Variants in AIRE observed in about 807,000 individuals in gnomAD.
AIRE encodes the protein autoimmune regulator, also known as autoimmune polyendocrinopathy candidiasis ectodermal dystrophy protein.
A neutral mutation model predicts 62.1 loss-of-function variants in AIRE; 52 were observed. That is an observed-to-expected ratio of 0.84 (90% CI 0.67 to 1.06). AIRE has a LOEUF of 1.06. Ranked by LOEUF, AIRE falls within the 50% of genes least tolerant of loss-of-function variation. The pLI, the probability that AIRE is intolerant of heterozygous loss-of-function variation, is 0.00. For missense variants in AIRE, 774 were observed against 755.8 expected (o/e 1.02, Z -0.28); for synonymous variants, 342 against 321.6 (o/e 1.06, Z -0.68).
In AIRE at chr21:44,286,512, G is replaced by C; in HGVS notation, c.133-45G>C. The C allele has an allele frequency of 1.9e-6, 3 of 1,577,182 alleles. No homozygotes were observed. Among genetic ancestry groups the C allele is most frequent in the African/African-American group, 1.3e-5 (1 of 74,098 alleles). Reference sequence around the variant, plus strand: ...CATGATGGAGATGGGCAGGCCGCAGGGTGTGGGGGACCATGGCAGGGACCC... The same window carrying C: ...CATGATGGAGATGGGCAGGCCGCAGCGTGTGGGGGACCATGGCAGGGACCC... On this transcript the variant is annotated intron_variant, in intron 1 of 13. Coordinates refer to ENST00000291582, the MANE Select transcript of AIRE (RefSeq NM_000383.4). The surrounding 1 kb of genome is among the most constrained non-coding windows in gnomAD (Gnocchi z 6.0).
At chr21:44,293,729 T>C (rs970030175) in intron 10 of AIRE, 60 bp from the exon 11 acceptor site, 13 of 1,593,162 alleles carry the variant, frequency 8.2e-6, no homozygotes, top group Non-Finnish European at 1.1e-5. Flanking sequence ...GGGCTCGGGT[T>C]CGGGTTCAGC....
chr21:44,293,113 C>T lies in AIRE; in HGVS notation c.1216C>T (p.Leu406=). The change falls in exon 10 of 14, where the codon CTG becomes TTG. Residue 406 remains leucine, a synonymous_variant. Coordinates refer to ENST00000291582, the MANE Select transcript of AIRE (RefSeq NM_000383.4). ...HLPAPPSAAP[L]PGLDSSALHP... is the part of the protein sequence containing the mutation. ...GCCGGCTCCGCCTTCTGCAGCCCCG[C>T]TGCCAGGGCTGGACTCCTCGGCCCT... 6.2e-7 allele frequency: 1 copy of T among 1,604,576 alleles called. No homozygotes were observed. The highest frequency in any genetic ancestry group is 8.5e-7 in the Non-Finnish European group (1 of 1,176,426).
rs563203914 is a variant in AIRE at position 44,286,452 on chromosome 21, G to A, written c.133-105G>A. On this transcript the variant is annotated intron_variant, in intron 1 of 13. Transcript: ENST00000291582. The surrounding 1 kb of genome is among the most constrained non-coding windows in gnomAD (Gnocchi z 6.0). ...AGATGGGCGTGGAGCTGTCCAGGTC[G>A]CCAGCGCCTCTGCCTGGGAGCTCCA... The A allele has an allele frequency of 2.0e-5, 26 of 1,304,184 alleles. No individual in the cohort carries two copies. The African/African-American group carries it at 2.7e-4, about 13-fold the overall frequency. 80.8% of individuals were successfully genotyped at this position (1,304,184 alleles called of 1,614,324 possible).
At chr21:44,290,928 G>A (rs1159004345) in intron 7 of AIRE, 167 bp from the exon 8 acceptor site, 2 of 1,611,922 alleles carry the variant, frequency 1.2e-6, no homozygotes, top group Non-Finnish European at 1.7e-6. Context: ...TGGGGAACAG[G>A]TGGTCAGGGC....
At position 44,293,947 on chromosome 21, in the gene AIRE, C is replaced by T. The variant is rs2040575573; in HGVS notation, c.1400+37C>T. The stretch of plus-strand genomic sequence containing the variant: ...TGGTCGGCGGGGAGGCCTGAACCCA[C>T]ACCCACACCCTACACCCCACCCCAC... On this transcript the variant is annotated intron_variant, in intron 11 of 13. Coordinates refer to ENST00000291582, the MANE Select transcript of AIRE (RefSeq NM_000383.4). 5.6e-6 allele frequency: 9 copies of T among 1,593,116 alleles called. 1 individual carries two copies. The highest frequency in any genetic ancestry group is 1.7e-5 in the Admixed American group (1 of 59,658).
rs1800520 is a variant in AIRE, at chr21:44,290,023, C to G, written c.834C>G (p.Ser278Arg). The stretch of plus-strand genomic sequence containing the variant: ...AGGCTAGGCTGGGCCAGCAGGGCAG[C>G]GTTCCCGCCCCTCTGGCCCTCCCCA... ...GGEARLGQQGSVPAPLALPSD... is the reference protein window; with the variant it reads ...GGEARLGQQGRVPAPLALPSD... Residue 278 changes from serine to arginine, a missense_variant, in exon 7 of 14, where the codon AGC (serine) becomes AGG (arginine). Ser to Arg is a moderately radical substitution (Grantham distance 110). This residue lies in a region of AIRE where 385 missense variants were observed against 396.0 expected (regional missense o/e 0.97). Transcript: ENST00000291582. 193,019 of 1,610,112 alleles carry G rather than the reference C, an allele frequency of 0.12. 14,899 individuals carry two copies. Among genetic ancestry groups the G allele is most frequent in the East Asian group, 0.36 (16,054 of 44,710 alleles).
chr21:44,288,006 C>T (rs1161145153), intron 4 of AIRE, among the ~76,000 whole-genome samples: 1 of 152,150 alleles, frequency 6.6e-6, no homozygotes, highest in Non-Finnish European at 1.5e-5. Context: ...GAGGGCAGAG[C>T]CTAGGAACTC....
intron 10 of AIRE, 146 bp downstream of exon 10, chr21:44,293,321 G>T: frequency 1.4e-6 from 1 of 698,612 alleles, no homozygotes; most frequent in Non-Finnish European, 2.3e-6. Flanking sequence ...GGGGAGCGTG[G>T]GGGGCTGCGG....
chr21:44,286,022 G>A lies in AIRE; in HGVS notation c.16G>A (p.Ala6Thr). 6.5e-7 allele frequency: 1 copy of A among 1,533,616 alleles called. No homozygotes were observed. The highest frequency in any genetic ancestry group is 8.7e-7 in the Non-Finnish European group (1 of 1,144,770). The part of the protein sequence containing the change: MATDA[A>T]LRRLLRLHRT... Reference sequence around the variant, plus strand: ...CGCCCACCCCATGGCGACGGACGCGGCGCTACGCCGGCTTCTGAGGCTGCA... The same window carrying A: ...CGCCCACCCCATGGCGACGGACGCGACGCTACGCCGGCTTCTGAGGCTGCA... The change falls in exon 1 of 14, where the codon GCG becomes ACG. Residue 6 changes from alanine to threonine, a missense_variant. This residue lies in a region of AIRE where 385 missense variants were observed against 396.0 expected (regional missense o/e 0.97). Coordinates refer to ENST00000291582, the MANE Select transcript of AIRE (RefSeq NM_000383.4). This position sits in a 1 kb window ranked among gnomAD's most constrained non-coding sequence, Gnocchi z 6.0.
At position 44,297,613 on chromosome 21, in the gene AIRE, C is replaced by G. The variant is rs375814019; in HGVS notation, c.1567-43C>G. The stretch of plus-strand genomic sequence containing the variant: ...GATGGCCATGATTCTGTGGCTGCGG[C>G]GGGGGCGCACCTGGAGGTTCTCACC... On this transcript the variant is annotated intron_variant, in intron 13 of 13. Coordinates refer to ENST00000291582, the MANE Select transcript of AIRE (RefSeq NM_000383.4). This position sits in a 1 kb window ranked among gnomAD's most constrained non-coding sequence, Gnocchi z 4.8. The G allele has an allele frequency of 6.6e-7, 1 of 1,513,922 alleles. No individual in the cohort carries two copies. Among genetic ancestry groups the G allele is most frequent in the Non-Finnish European group, 9.1e-7 (1 of 1,094,524 alleles). The allele number at this position is 1,513,922 out of a possible 1,614,324, so 93.8% of individuals were successfully genotyped here.
chr21:44,296,409 T>C lies in AIRE; in HGVS notation c.1530T>C (p.Ala510=). 6.2e-7 allele frequency: 1 copy of C among 1,612,526 alleles called. No homozygotes were observed. Among genetic ancestry groups the C allele is most frequent in the Non-Finnish European group, 8.5e-7 (1 of 1,179,844 alleles). The change falls in exon 13 of 14, where the codon GCT becomes GCC. Residue 510 remains alanine (A), a synonymous_variant. Coordinates refer to ENST00000291582, the MANE Select transcript of AIRE (RefSeq NM_000383.4). The stretch of plus-strand genomic sequence containing the variant: ...ATGACACTGCCAGTCACGAGCCCGC[T>C]CTGCACAGGGATGACCTGGAGTCCC... ...AKDDTASHEP[A]LHRDDLESLL... is the part of the protein sequence containing the mutation.
intron 12 of AIRE, among the ~76,000 whole-genome samples, chr21:44,295,660 A>G (rs1039797069): frequency 6.6e-6 from 1 of 152,144 alleles, no homozygotes; most frequent in African/African-American, 2.4e-5. Context: ...TGTCAGAGGA[A>G]AAGTTCTGGC....
Position 44,297,769 on chromosome 21 carries a change from GAGA to G in AIRE, c.*45_*47del, listed in dbSNP as rs748197699. Reference sequence around the variant, plus strand: ...CATGCAGCTCTGATGAGAGAGTGCTGAGAAGGACACCTCCTTCCTCAGTCCTGG... The same window carrying G: ...CATGCAGCTCTGATGAGAGAGTGCTGAGGACACCTCCTTCCTCAGTCCTGG... On this transcript the variant is annotated 3_prime_UTR_variant, in exon 14 of 14. Transcript: ENST00000291582. The surrounding 1 kb of genome is among the most constrained non-coding windows in gnomAD (Gnocchi z 4.8). 11 of 1,565,308 alleles carry G rather than the reference GAGA, an allele frequency of 7.0e-6. 1 individual carries two copies. The highest frequency in any genetic ancestry group is 5.6e-5 in the South Asian group (5 of 90,050).
intron 7 of AIRE, chr21:44,290,575 C>A: frequency 1.4e-6 from 1 of 711,820 alleles, no homozygotes; most frequent in Non-Finnish European, 1.7e-6. Context: ...GGCTGGTGGG[C>A]GTCTGGGGGA....
intron 9 of AIRE, among the ~76,000 whole-genome samples, chr21:44,292,630 G>A (rs1034934430): frequency 4.6e-5 from 7 of 152,138 alleles, no homozygotes; most frequent in South Asian, 4.1e-4. Context: ...TCCTGGCTGC[G>A]GGTCCACCCC....
chr21:44,296,943 C>T (rs2040615982), intron 13 of AIRE, among the ~76,000 whole-genome samples: 1 of 105,796 alleles, frequency 9.5e-6, no homozygotes, highest in South Asian at 2.9e-4. Flanking sequence ...TTTAAGGGCT[C>T]TGTCTGTTTT....
At chr21:44,288,052 T>C (rs1568927009) in intron 4 of AIRE, among the ~76,000 whole-genome samples, 1 of 152,110 alleles carries the variant, frequency 6.6e-6, no homozygotes, top group African/African-American at 2.4e-5. Flanking sequence ...GCCCATGTCA[T>C]GGGGGGGTGG....
chr21:44,294,519 G>T lies in AIRE; in HGVS notation c.1503+16G>T. On this transcript the variant is annotated intron_variant, in intron 12 of 13. Coordinates refer to ENST00000291582, the MANE Select transcript of AIRE (RefSeq NM_000383.4). ...GCCTGCCAAGGTCAGTGCCGCAGGG[G>T]CCCTCCATGCATGCCGGTGCTGGGG... 1 of 1,375,588 alleles carries T rather than the reference G, an allele frequency of 7.3e-7. No individual in the cohort carries two copies. Among genetic ancestry groups the T allele is most frequent in the Non-Finnish European group, 9.7e-7 (1 of 1,031,072 alleles). The allele number at this position is 1,375,588 out of a possible 1,614,324, so 85.2% of individuals were successfully genotyped here.
intron 12 of AIRE, among the ~76,000 whole-genome samples, chr21:44,295,398 C>A (rs1317222475): frequency 6.6e-6 from 1 of 152,222 alleles, no homozygotes; most frequent in African/African-American, 2.4e-5. Flanking sequence ...CAGCCCTGCC[C>A]TTGGGGCTTT....
Sources: allele counts gnomAD v4.1 joint callset (sites outside exome capture counted in the v4.1 genomes callset), GRCh38; gene constraint gnomAD v4.1.1; regional missense constraint gnomAD v4.1.1; non-coding constraint Gnocchi (gnomAD v3.1); transcripts MANE v1.5; gene names NCBI Gene and HGNC (gene_info 2026-07-23, HGNC 2026-07-21).